CHCHD3: variants seen among roughly 807,000 people sequenced by gnomAD.
The protein encoded by CHCHD3 is MICOS complex subunit MIC19.
CHCHD3 carries 20 observed loss-of-function variants against 38.2 expected under a neutral mutation model. The observed-to-expected ratio is 0.52, with a 90% CI of 0.37 to 0.76. The LOEUF is 0.76. CHCHD3 is among the 30% of genes least tolerant of loss of function. The pLI is 0.00. For synonymous variants in CHCHD3, 82 were observed against 100.0 expected, an observed-to-expected ratio of 0.82 and a Z score of 1.07; for missense variants, 245 against 279.2, an observed-to-expected ratio of 0.88 and a Z score of 0.87.
At chr7:132,996,330 C>T (rs1812415196) in intron 3 of CHCHD3, among the ~76,000 whole-genome samples, 1 of 152,150 alleles carries the variant, frequency 6.6e-6, no homozygotes, top group Non-Finnish European at 1.5e-5. Flanking sequence ...CACAAGGCAA[C>T]AACTGGCTAC....
At chr7:133,047,343 G>A (rs1204183706) in intron 2 of CHCHD3, among the ~76,000 whole-genome samples, 2 of 152,068 alleles carry the variant, frequency 1.3e-5, no homozygotes, top group Non-Finnish European at 1.5e-5. Context: ...TGACAACCCA[G>A]ATATGAACCA....
intron 6 of CHCHD3, among the ~76,000 whole-genome samples, chr7:132,836,163 A>C (rs1162376210): frequency 6.6e-6 from 1 of 152,048 alleles, no homozygotes; most frequent in Non-Finnish European, 1.5e-5. Context: ...GCCCAGGCTA[A>C]AGTGCAATGG....
chr7:133,049,789 T>G (rs1814096460), intron 2 of CHCHD3, among the ~76,000 whole-genome samples: 1 of 152,224 alleles, frequency 6.6e-6, no homozygotes, highest in Non-Finnish European at 1.5e-5. Context: ...TGAAACAATT[T>G]CTTTACTTGT....
chr7:133,048,291 T>C (rs1000928727), intron 2 of CHCHD3, among the ~76,000 whole-genome samples: 3 of 152,168 alleles, frequency 2.0e-5, no homozygotes, highest in Non-Finnish European at 2.9e-5. Flanking sequence ...GAAAATAATA[T>C]GCACATATAA....
At chr7:132,887,373 T>C (rs372672675) in intron 4 of CHCHD3, among the ~76,000 whole-genome samples, 3 of 151,698 alleles carry the variant, frequency 2.0e-5, no homozygotes, top group South Asian at 2.1e-4. Flanking sequence ...AAATCTAATA[T>C]ACATGACTAC....
chr7:132,809,480 A>G (rs898829414), intron 6 of CHCHD3, among the ~76,000 whole-genome samples: 1 of 152,092 alleles, frequency 6.6e-6, no homozygotes, highest in African/African-American at 2.4e-5. Context: ...CAAAATGCCA[A>G]TCTTTCCCAG....
intron 1 of CHCHD3, among the ~76,000 whole-genome samples, chr7:133,074,649 T>A (rs760971860): frequency 4.6e-5 from 7 of 152,136 alleles, no homozygotes; most frequent in African/African-American, 7.2e-5. Context: ...TTCAATCCCA[T>A]GCATGTAATA....
intron 6 of CHCHD3, among the ~76,000 whole-genome samples, chr7:132,835,863 T>C (rs771092489): frequency 2.0e-5 from 3 of 152,132 alleles, no homozygotes; most frequent in Admixed American, 1.3e-4. Flanking sequence ...CTAATATGAC[T>C]GGTATTCTTG....
At chr7:132,868,424 G>C (rs1018557180) in intron 5 of CHCHD3, among the ~76,000 whole-genome samples, 1 of 152,024 alleles carries the variant, frequency 6.6e-6, no homozygotes, top group African/African-American at 2.4e-5. Context: ...TGCCTTTTGA[G>C]TAATTTAGTC....
chr7:132,875,109 G>A (rs1260313841), intron 5 of CHCHD3, among the ~76,000 whole-genome samples: 1 of 152,168 alleles, frequency 6.6e-6, no homozygotes, highest in Non-Finnish European at 1.5e-5. Context: ...AATCTCAGGT[G>A]ATATACTGGG....
chr7:132,914,293 C>T (rs1477816046), intron 4 of CHCHD3, among the ~76,000 whole-genome samples: 2 of 152,130 alleles, frequency 1.3e-5, no homozygotes, highest in African/African-American at 4.8e-5. Context: ...CGGCCTAAGG[C>T]TCTATAACTT....
intron 4 of CHCHD3, among the ~76,000 whole-genome samples, chr7:132,939,972 A>T (rs1810724604): frequency 6.6e-6 from 1 of 152,204 alleles, no homozygotes; most frequent in Admixed American, 6.5e-5. Flanking sequence ...AATGTATCAC[A>T]AGGAAAATTA....
intron 5 of CHCHD3, among the ~76,000 whole-genome samples, chr7:132,848,770 A>G (rs1808142574): frequency 1.3e-5 from 2 of 152,190 alleles, no homozygotes; most frequent in South Asian, 2.1e-4. Context: ...CTTGGTAAGA[A>G]AAGCAGCCCT....
intron 3 of CHCHD3, among the ~76,000 whole-genome samples, chr7:132,976,516 A>G (rs1811773008): frequency 6.6e-6 from 1 of 152,224 alleles, no homozygotes; most frequent in South Asian, 2.1e-4. Context: ...TCACTGAATC[A>G]CTGAAGATTT....
chr7:132,909,309 C>T (rs1226764489), intron 4 of CHCHD3, among the ~76,000 whole-genome samples: 1 of 152,076 alleles, frequency 6.6e-6, no homozygotes, highest in African/African-American at 2.4e-5. Flanking sequence ...GTCTGGCCAA[C>T]ATGGTGAAAC....
In CHCHD3 at chr7:133,035,537, A is replaced by G. The variant is rs772943665; in HGVS notation, c.170-10910T>C. 9.6e-5 allele frequency: 155 copies of G among 1,613,356 alleles called. No homozygotes were observed. The highest frequency in any genetic ancestry group is 6.6e-4 in the Middle Eastern group (4 of 6,076). ...GCCTCACTTCCTCCTTTGCATTCTC[A>G]GTGGCCTGTTTGTTGTGGTGCATGA... On this transcript the variant is annotated intron_variant, in intron 2 of 7. Coordinates refer to ENST00000262570, the MANE Select transcript of CHCHD3 (RefSeq NM_017812.4). This position sits in a 1 kb window ranked among gnomAD's most constrained non-coding sequence, Gnocchi z 4.7.
chr7:133,054,590 CA>C (rs1814258393), intron 2 of CHCHD3, among the ~76,000 whole-genome samples: 1 of 152,070 alleles, frequency 6.6e-6, no homozygotes, highest in Non-Finnish European at 1.5e-5. Flanking sequence ...ATGTGTATAA[CA>C]TAAAATTTAC....
At chr7:132,915,080 A>G (rs564995318) in intron 4 of CHCHD3, among the ~76,000 whole-genome samples, 1 of 151,760 alleles carries the variant, frequency 6.6e-6, no homozygotes, top group South Asian at 2.1e-4. Flanking sequence ...GAGAGGTTGC[A>G]GTCAGCCAAG....
chr7:133,039,735 C>T (rs1044678403), intron 2 of CHCHD3, among the ~76,000 whole-genome samples: 3 of 152,220 alleles, frequency 2.0e-5, no homozygotes, highest in Non-Finnish European at 4.4e-5. Flanking sequence ...ATTCTTTCTG[C>T]CCTCCAATAA....
Sources: gnomAD v4.1 joint callset for allele counts (sites outside exome capture counted in the v4.1 genomes callset) on GRCh38, gnomAD v4.1.1 for gene constraint, Gnocchi (gnomAD v3.1) non-coding constraint, MANE v1.5 for transcripts, NCBI Gene and HGNC (gene_info 2026-07-23, HGNC 2026-07-21) for gene names.